The following SNX29 variants were observed in gnomAD, a reference collection of about 807,000 sequenced individuals.
SNX29 encodes sorting nexin 29.
SNX29 carries 78 observed loss-of-function variants against 102.1 expected under a neutral mutation model. The ratio of observed to expected loss-of-function variants is 0.76; its 90% CI spans 0.64 to 0.92. SNX29 has a LOEUF of 0.92. SNX29 is among the 40% of genes least tolerant of loss of function. The probability of loss-of-function intolerance (pLI) is 0.00; values close to 1 mark genes in which losing one functional copy is unlikely to be tolerated. For missense variants in SNX29, 1,280 were observed against 1,061.7 expected, an observed-to-expected ratio of 1.21 and a Z score of -2.86; for synonymous variants, 580 against 414.5, an observed-to-expected ratio of 1.40 and a Z score of -4.85.
chr16:12,324,766 A>G (rs2081066732), intron 15 of SNX29, among the ~76,000 whole-genome samples: 3 of 152,120 alleles, frequency 2.0e-5, no homozygotes, highest in African/African-American at 7.2e-5. Context: ...CTCAGAGCTG[A>G]CAAACGGGCC....
intron 20 of SNX29, among the ~76,000 whole-genome samples, chr16:12,551,499 G>C (rs1391597634): frequency 6.6e-6 from 1 of 152,102 alleles, no homozygotes; most frequent in Non-Finnish European, 1.5e-5. Context: ...ATTAATCTTT[G>C]GGCCTCAGCA....
intron 14 of SNX29, among the ~76,000 whole-genome samples, chr16:12,203,770 C>A (rs1459934343): frequency 6.6e-6 from 1 of 152,224 alleles, no homozygotes; most frequent in Non-Finnish European, 1.5e-5. Flanking sequence ...GACGTGAGAG[C>A]TTGCTCTGTG....
At chr16:12,090,369 C>A (rs2052460846) in intron 11 of SNX29, 1 of 152,128 alleles carries the variant, frequency 6.6e-6, no homozygotes, top group Admixed American at 6.6e-5. Flanking sequence ...TAGGACTTTG[C>A]GCAGGAATGC....
intron 4 of SNX29, among the ~76,000 whole-genome samples, chr16:12,031,523 A>T (rs1367085001): frequency 1.3e-5 from 2 of 151,038 alleles, no homozygotes; most frequent in Non-Finnish European, 2.9e-5. Context: ...AAAAAAAAAT[A>T]TGGCCGGGCG....
chr16:12,023,594 A>G (rs1216010731), intron 3 of SNX29, among the ~76,000 whole-genome samples: 1 of 147,984 alleles, frequency 6.8e-6, no homozygotes, highest in Non-Finnish European at 1.5e-5. Context: ...AAAAAAGAAA[A>G]GAAAAGAAAA....
At chr16:12,236,478 C>T (rs2077936621) in intron 14 of SNX29, among the ~76,000 whole-genome samples, 2 of 152,214 alleles carry the variant, frequency 1.3e-5, no homozygotes, top group African/African-American at 2.4e-5. Flanking sequence ...ATGGTTGGTG[C>T]CTAGAAGCCC....
Position 12,573,760 on chromosome 16 carries a change from C to G in SNX29, c.*5131C>G, listed in dbSNP as rs376252607. The G allele has an allele frequency of 1.8e-4, 40 of 222,934 alleles. No homozygotes were observed. Among genetic ancestry groups the G allele is most frequent in the African/African-American group, 6.2e-4 (28 of 44,852 alleles). The allele number at this position is 222,934 out of a possible 1,614,324, so 13.8% of individuals were successfully genotyped here. ...CATTTGCACCCAGAGCTACTAAACGCTCAGTGACCCCAGAGACCATTAATT... is the reference window on the plus strand; with the variant it reads ...CATTTGCACCCAGAGCTACTAAACGGTCAGTGACCCCAGAGACCATTAATT... On this transcript the variant is annotated 3_prime_UTR_variant, in exon 21 of 21. Transcript: ENST00000566228.
chr16:12,494,315 A>G (rs2088700644), intron 19 of SNX29, among the ~76,000 whole-genome samples: 1 of 151,986 alleles, frequency 6.6e-6, no homozygotes, highest in Non-Finnish European at 1.5e-5. Context: ...GCAGCCCCCA[A>G]AGCATTGGTG....
intron 17 of SNX29, among the ~76,000 whole-genome samples, chr16:12,399,683 G>C (rs562030260): frequency 6.6e-6 from 1 of 152,158 alleles, no homozygotes; most frequent in East Asian, 1.9e-4. Flanking sequence ...ATTATGAAAG[G>C]CATGAGGGCA....
intron 14 of SNX29, among the ~76,000 whole-genome samples, chr16:12,219,063 C>G (rs573215577): frequency 9.2e-5 from 14 of 152,084 alleles, no homozygotes; most frequent in Admixed American, 7.2e-4. Context: ...TGTGAGCCAC[C>G]GCGCCTGGCC....
chr16:12,404,456 C>T (rs1197695638), intron 18 of SNX29, among the ~76,000 whole-genome samples: 1 of 152,102 alleles, frequency 6.6e-6, no homozygotes, highest in African/African-American at 2.4e-5. Context: ...CTTTGGTGTG[C>T]CCTTGTTCTG....
At chr16:11,990,774 GGCCTGGTCTACA>G (rs2055818503) in intron 1 of SNX29, among the ~76,000 whole-genome samples, 3 of 152,152 alleles carry the variant, frequency 2.0e-5, no homozygotes, top group Non-Finnish European at 4.4e-5. Context: ...TTATGATGCG[GGCCTGGTCTACA>G]GCCTGCTGGG....
At chr16:12,328,189 A>G (rs963194966) in intron 15 of SNX29, among the ~76,000 whole-genome samples, 6 of 152,200 alleles carry the variant, frequency 3.9e-5, no homozygotes, top group African/African-American at 1.2e-4. Flanking sequence ...GTAGACCTCA[A>G]TAAACTCTAG....
At chr16:12,431,341 G>C (rs1344749829) in intron 18 of SNX29, among the ~76,000 whole-genome samples, 1 of 152,078 alleles carries the variant, frequency 6.6e-6, no homozygotes, top group African/African-American at 2.4e-5. Context: ...AACAGCCCCA[G>C]GGGTCTGTGA....
chr16:12,478,586 C>T (rs11860371), intron 19 of SNX29, among the ~76,000 whole-genome samples: 32,278 of 152,162 alleles, frequency 0.21, 3,829 homozygotes, highest in South Asian at 0.37. Flanking sequence ...TGTCATTGTG[C>T]AAGGGGCTGG....
intron 14 of SNX29, among the ~76,000 whole-genome samples, chr16:12,257,119 C>T (rs759178876): frequency 3.3e-5 from 5 of 152,122 alleles, no homozygotes; most frequent in Admixed American, 2.6e-4. Context: ...AATCCAGTTC[C>T]GAGTAGCTGA....
At chr16:12,512,432 G>C (rs1270475198) in intron 19 of SNX29, among the ~76,000 whole-genome samples, 1 of 124,534 alleles carries the variant, frequency 8.0e-6, no homozygotes, top group Non-Finnish European at 1.7e-5. Flanking sequence ...TTCGGTTTTT[G>C]AGACAGGGTC....
intron 3 of SNX29, among the ~76,000 whole-genome samples, chr16:12,006,516 GA>G (rs758929005): frequency 0.027 from 1,459 of 54,366 alleles, 20 homozygotes; most frequent in Middle Eastern, 0.083. Flanking sequence ...TACTGTCTCA[GA>G]AAAAAAAAAA....
chr16:12,563,786 A>T (rs1353218823), intron 20 of SNX29, among the ~76,000 whole-genome samples: 3 of 149,790 alleles, frequency 2.0e-5, no homozygotes, highest in South Asian at 2.1e-4. Context: ...GACCTGTCTG[A>T]AGACTGCAAC....
Sources: gnomAD v4.1 joint callset for allele counts (sites outside exome capture counted in the v4.1 genomes callset) on GRCh38, gnomAD v4.1.1 for gene constraint, MANE v1.5 for transcripts, NCBI Gene and HGNC (gene_info 2026-07-23, HGNC 2026-07-21) for gene names.